TRAK1: variants seen among roughly 807,000 people sequenced by gnomAD.
The protein encoded by TRAK1 is trafficking kinesin-binding protein 1.
TRAK1 carries 33 observed loss-of-function variants against 92.1 expected under a neutral mutation model. That is an observed-to-expected ratio of 0.36 (90% CI 0.27 to 0.48). The LOEUF (loss-of-function observed/expected upper bound fraction) is 0.48, where lower values mean the gene tolerates loss of function less well. TRAK1 is among the 20% of genes least tolerant of loss of function. The probability of loss-of-function intolerance (pLI) is 0.99; values close to 1 mark genes in which losing one functional copy is unlikely to be tolerated. For missense variants in TRAK1, 1,123 were observed against 1,257.9 expected (o/e 0.89, Z 1.62); for synonymous variants, 521 against 517.3 (o/e 1.01, Z -0.10).
intron 2 of TRAK1, among the ~76,000 whole-genome samples, chr3:42,129,858 T>C (rs1696962947): frequency 6.6e-6 from 1 of 152,016 alleles, no homozygotes; most frequent in Non-Finnish European, 1.5e-5. Context: ...TCAGATTAGC[T>C]ACAAAGGGGA....
intron 2 of TRAK1, among the ~76,000 whole-genome samples, chr3:42,132,244 G>GTT (rs113813133): frequency 1.7e-4 from 24 of 138,534 alleles, no homozygotes; most frequent in African/African-American, 6.2e-4. Flanking sequence ...TATGTTTTTT[G>GTT]TTTTTTTTTT....
At chr3:42,019,099 C>T (rs1701637734) in intron 1 of TRAK1, among the ~76,000 whole-genome samples, 1 of 150,424 alleles carries the variant, frequency 6.6e-6, no homozygotes, top group Non-Finnish European at 1.5e-5. Context: ...TCCAGCCTGG[C>T]AACAGAGTAT....
At position 42,043,571 on chromosome 3, in the gene TRAK1, G is replaced by T. The variant is rs1212798193; in HGVS notation, c.-519+29454G>T. Among the ~76,000 whole-genome samples the T allele has an allele frequency of 2.7e-5, 4 of 147,422 alleles. No homozygotes were observed. In the East Asian group the frequency reaches 5.9e-4, roughly 22 times the overall value. ...GTTGTCTTTGGCTTTTCGCCAGTGT[G>T]TTTTTCCAGCTCCAGACCCTGTGTC... is the stretch of plus-strand genomic sequence containing the variant. On this transcript the variant is annotated intron_variant, in intron 1 of 16. Coordinates refer to the TRAK1 transcript ENST00000487159.
chr3:42,217,720 C>T (rs1303582827), intron 14 of TRAK1: 1 of 985,264 alleles, frequency 1.0e-6, no homozygotes, highest in African/African-American at 1.7e-5. Context: ...CTTTCCCCCT[C>T]TCCTCCTTCC....
chr3:42,075,340 CAAAAAAAAA>C (rs60881113), intron 1 of TRAK1, among the ~76,000 whole-genome samples: 9 of 71,102 alleles, frequency 1.3e-4, no homozygotes, highest in South Asian at 5.0e-4. Flanking sequence ...GACTCAGTCT[CAAAAAAAAA>C]AAAAAAAAAA....
At chr3:42,069,010 C>T (rs1703796999) in intron 1 of TRAK1, among the ~76,000 whole-genome samples, 1 of 152,012 alleles carries the variant, frequency 6.6e-6, no homozygotes, top group Non-Finnish European at 1.5e-5. Context: ...TCTGTGTAGT[C>T]ATGGTTAGGA....
At chr3:42,088,566 C>T (rs964826390), upstream of TRAK1, among the ~76,000 whole-genome samples, 4 of 152,172 alleles carry the variant, frequency 2.6e-5, no homozygotes, top group Non-Finnish European at 5.9e-5. Flanking sequence ...CCGTGTTTCC[C>T]GCAGGCCAGT....
chr3:42,105,487 C>T lies in TRAK1; in HGVS notation c.91+13927C>T, dbSNP rs112253007. On this transcript the variant is annotated intron_variant, in intron 1 of 15. Transcript: ENST00000327628. Reference sequence around the variant, plus strand: ...TTAGGGAAAAAAGAGTAAAAAGAAACGAACAAAGCCTCCAAGAAATATGGG... The same window carrying T: ...TTAGGGAAAAAAGAGTAAAAAGAAATGAACAAAGCCTCCAAGAAATATGGG... Among the ~76,000 whole-genome samples the T allele has an allele frequency of 7.5e-3, 1,147 of 152,178 alleles. 16 individuals carry two copies. Among genetic ancestry groups the T allele is most frequent in the African/African-American group, 0.025 (1,037 of 41,510 alleles).
At chr3:42,015,067 A>G (rs184931676) in intron 1 of TRAK1, among the ~76,000 whole-genome samples, 162 of 152,174 alleles carry the variant, frequency 1.1e-3, no homozygotes, top group African/African-American at 3.8e-3. Context: ...TGCACTGGGG[A>G]GGGTCTCCCC....
chr3:42,219,111 G>T (rs1710048615), intron 14 of TRAK1: 2 of 985,266 alleles, frequency 2.0e-6, no homozygotes, highest in Middle Eastern at 5.2e-4. Flanking sequence ...CCAATGCAAA[G>T]AAATGTAAAG....
At chr3:42,028,271 A>G (rs1022987577) in intron 1 of TRAK1, among the ~76,000 whole-genome samples, 18 of 152,232 alleles carry the variant, frequency 1.2e-4, no homozygotes, top group Non-Finnish European at 7.3e-5. Context: ...CCGGAAATAC[A>G]TGGTTCACTC....
In TRAK1 at chr3:42,224,222, C is replaced by A. The variant is rs1324069664; in HGVS notation, c.*485C>A. 2 of 376,258 alleles carry A rather than the reference C, an allele frequency of 5.3e-6. No homozygotes were observed. The highest frequency in any genetic ancestry group is 4.4e-5 in the African/African-American group (2 of 45,336). The allele number at this position is 376,258 out of a possible 1,614,324, so 23.3% of individuals were successfully genotyped here. A position where few individuals can be genotyped will look rare whatever the true frequency, so the allele number is the denominator to read the frequency against. Reference sequence around the variant, plus strand: ...CTGTAGGAGCGTAAGGAGCCTCCATCCTCAGCCACGTGCAGCTGACGTGGC... The same window carrying A: ...CTGTAGGAGCGTAAGGAGCCTCCATACTCAGCCACGTGCAGCTGACGTGGC... On this transcript the variant is annotated 3_prime_UTR_variant, in exon 16 of 16. Transcript: ENST00000327628.
chr3:42,091,347 A>G (rs1576292395), upstream of TRAK1: 1 of 832,400 alleles, frequency 1.2e-6, no homozygotes, highest in East Asian at 2.7e-5. Flanking sequence ...TTGCCCTAAC[A>G]AGCAAACTCA....
At chr3:42,014,034 C>CCCGGG (rs1213148245) in exon 1 of TRAK1, 1 of 151,272 alleles carries the variant, frequency 6.6e-6, no homozygotes, top group Non-Finnish European at 1.5e-5. Flanking sequence ...CGGGGCCGGG[C>CCCGGG]CGAGAACGAC....
In TRAK1 at chr3:42,201,004, C is replaced by T. The variant is rs34458401; in HGVS notation, c.1377C>T (p.Leu459=). Residue 459 remains leucine (L), a synonymous_variant, in exon 12 of 16, where the codon CTC becomes CTT. Coordinates refer to ENST00000327628, the MANE Select transcript of TRAK1 (RefSeq NM_001042646.3). Reference sequence around the variant, plus strand: ...GCAGCGACATAGGCAACGTCGTCCTCGACAACAAGACCAACAGCATCATTC... The same window carrying T: ...GCAGCGACATAGGCAACGTCGTCCTTGACAACAAGACCAACAGCATCATTC... ...FYGSDIGNVV[L]DNKTNSIILE... The T allele has an allele frequency of 1.4e-5, 22 of 1,614,046 alleles. No homozygotes were observed. The highest frequency in any genetic ancestry group is 8.9e-5 in the East Asian group (4 of 44,888).
At chr3:42,139,178 A>T (rs1356643384) in intron 2 of TRAK1, among the ~76,000 whole-genome samples, 1 of 151,960 alleles carries the variant, frequency 6.6e-6, no homozygotes, top group Admixed American at 6.6e-5. Flanking sequence ...ATGCCCAAGT[A>T]CTCTGGCTGT....
At position 42,189,128 on chromosome 3, in the gene TRAK1, A is replaced by G. The variant is rs570962193; in HGVS notation, c.690+4A>G. The G allele has an allele frequency of 4.4e-6, 7 of 1,606,804 alleles. No individual in the cohort carries two copies. Among genetic ancestry groups the G allele is most frequent in the Admixed American group, 1.7e-5 (1 of 60,004 alleles). On this transcript the variant is annotated splice_donor_region_variant and intron_variant, in intron 6 of 15. Coordinates refer to ENST00000327628, the MANE Select transcript of TRAK1 (RefSeq NM_001042646.3). Reference sequence around the variant, plus strand: ...GAATGTTGTACTTCGATCCGAGGTGATGTGCCCTCCCTTCTCTTGCCCCTG... The same window carrying G: ...GAATGTTGTACTTCGATCCGAGGTGGTGTGCCCTCCCTTCTCTTGCCCCTG...
chr3:42,064,092 G>A (rs1207776412), intron 1 of TRAK1, among the ~76,000 whole-genome samples: 1 of 152,170 alleles, frequency 6.6e-6, no homozygotes, highest in African/African-American at 2.4e-5. Context: ...TACATGCCCA[G>A]CCCTTATTAC....
Position 42,223,315 on chromosome 3 carries a change from C to T in TRAK1, c.2440C>T (p.Pro814Ser). 6.2e-7 allele frequency: 1 copy of T among 1,614,246 alleles called. No individual in the cohort carries two copies. The highest frequency in any genetic ancestry group is 8.5e-7 in the Non-Finnish European group (1 of 1,180,050). Residue 814 changes from proline to serine, a missense_variant, in exon 16 of 16, where the codon CCA becomes TCA. Pro to Ser is a moderately conservative substitution (Grantham distance 74). Transcript: ENST00000327628. This position sits in a 1 kb window ranked among gnomAD's most constrained non-coding sequence, Gnocchi z 6.1. ...PPYDNFLASKPASSILREVRE... is the reference protein window; with the variant it reads ...PPYDNFLASKSASSILREVRE... ...CTACGACAATTTCCTGGCTTCCAAG[C>T]CAGCCAGCTCCATCCTGAGGGAAGT...
Sources: gnomAD v4.1 joint callset for allele counts (sites outside exome capture counted in the v4.1 genomes callset) on GRCh38, gnomAD v4.1.1 for gene constraint, Gnocchi (gnomAD v3.1) non-coding constraint, MANE v1.5 for transcripts, NCBI Gene and HGNC (gene_info 2026-07-23, HGNC 2026-07-21) for gene names.